The following MLYCD variants were observed in gnomAD, a reference collection of about 807,000 sequenced individuals.
MLYCD encodes the protein malonyl-CoA decarboxylase, also known as malonyl-CoA decarboxylase, mitochondrial.
In MLYCD, 27 loss-of-function variants were observed where a neutral mutation model predicts 35.8. The observed-to-expected ratio is 0.75, with a 90% CI of 0.56 to 1.04. The LOEUF (loss-of-function observed/expected upper bound fraction) is 1.04. Among genes scored for constraint, MLYCD ranks in the 50% least tolerant of loss-of-function variants. The probability of loss-of-function intolerance (pLI) is 0.00; values close to 1 mark genes in which losing one functional copy is unlikely to be tolerated. For synonymous variants in MLYCD, 403 were observed against 302.4 expected, an observed-to-expected ratio of 1.33 and a Z score of -3.45; for missense variants, 917 against 665.1, an observed-to-expected ratio of 1.38 and a Z score of -4.17.
In MLYCD at chr16:83,899,714, G is replaced by A. The variant is rs1001423848; in HGVS notation, c.528+42G>A. 1.4e-5 allele frequency: 20 copies of A among 1,481,170 alleles called. No homozygotes were observed. The African/African-American group carries it at 2.6e-4, about 19-fold the overall frequency. The allele number at this position is 1,481,170 out of a possible 1,614,324, so 91.8% of individuals were successfully genotyped here. On this transcript the variant is annotated intron_variant, in intron 1 of 4. Coordinates refer to ENST00000262430, the MANE Select transcript of MLYCD (RefSeq NM_012213.3). The stretch of plus-strand genomic sequence containing the variant: ...GATCCCCCGGCAGCGCGGACTGGCC[G>A]CCCTCCTCGAGTAGTCCTCACTTGC...
At position 83,916,129 on chromosome 16, in the gene MLYCD, A is replaced by T; in HGVS notation, c.*640A>T. On this transcript the variant is annotated 3_prime_UTR_variant, in exon 5 of 5. Transcript: ENST00000262430. ...ATAGGCTTTAAATGATCAGGGATTC[A>T]GGTTCATAATGAACTTCACAGTAAA... 1.0e-6 allele frequency: 1 copy of T among 993,178 alleles called. No homozygotes were observed. The highest frequency in any genetic ancestry group is 1.2e-6 in the Non-Finnish European group (1 of 833,396). The allele number at this position is 993,178 out of a possible 1,614,324, so 61.5% of individuals were successfully genotyped here.
At chr16:83,912,143 G>C in intron 3 of MLYCD, 75 bp from the exon 4 acceptor site, 1 of 1,598,154 alleles carries the variant, frequency 6.3e-7, no homozygotes, top group Non-Finnish European at 8.6e-7. Flanking sequence ...TTGTCTTCTC[G>C]TCCCAGCAAC....
rs1458634858 is a variant in MLYCD at position 83,916,563 on chromosome 16, C to T, written c.*1074C>T. ...CAGTGCACGTCTGTGTGCATGTGCC[C>T]GAGCGTCTCTGTGTGGATCAGTGCA... On this transcript the variant is annotated 3_prime_UTR_variant, in exon 5 of 5. Coordinates refer to ENST00000262430, the MANE Select transcript of MLYCD (RefSeq NM_012213.3). 4 of 125,686 alleles carry T rather than the reference C, an allele frequency of 3.2e-5. No homozygotes were observed. Among genetic ancestry groups the T allele is most frequent in the East Asian group, 2.4e-4 (1 of 4,224 alleles). The allele number at this position is 125,686 out of a possible 1,614,324, so 7.8% of individuals were successfully genotyped here.
At chr16:83,914,845 G>T in intron 4 of MLYCD, 111 bp from the exon 5 acceptor site, 1 of 1,455,004 alleles carries the variant, frequency 6.9e-7, no homozygotes, top group Non-Finnish European at 9.6e-7. Flanking sequence ...CACTCTGACC[G>T]CTACACAGCA....
chr16:83,899,181 C>G lies in MLYCD; in HGVS notation c.37C>G (p.Leu13Val). 1 of 1,170,562 alleles carries G rather than the reference C, an allele frequency of 8.5e-7. No individual in the cohort carries two copies. Among genetic ancestry groups the G allele is most frequent in the South Asian group, 3.4e-5 (1 of 29,408 alleles). 72.5% of individuals were successfully genotyped at this position (1,170,562 alleles called of 1,614,324 possible). The change falls in exon 1 of 5, where the codon CTC (leucine) becomes GTC (valine). Residue 13 changes from leucine to valine, a missense_variant. Physicochemically the swap from Leu to Val is conservative, Grantham distance 32 (BLOSUM62 1). Coordinates refer to ENST00000262430, the MANE Select transcript of MLYCD (RefSeq NM_012213.3). ...CGGGCCAGGCTTGACGGCCAGGCGTCTCCTCCCGCTGCGGTTGCCCCCGCG... is the reference window on the plus strand; with the variant it reads ...CGGGCCAGGCTTGACGGCCAGGCGTGTCCTCCCGCTGCGGTTGCCCCCGCG... Reference protein sequence around the residue: ...GFGPGLTARRLLPLRLPPRPP... With the variant: ...GFGPGLTARRVLPLRLPPRPP...
At position 83,917,030 on chromosome 16, in the gene MLYCD, G is replaced by A. The variant is rs1342768550; in HGVS notation, c.*1541G>A. On this transcript the variant is annotated 3_prime_UTR_variant, in exon 5 of 5. Transcript: ENST00000262430. ...TCTCTGTGTGTCAGTGCACGTCTGT[G>A]TGCGTGTGCACAAGCGTCTCTGTGT... 1 of 131,572 alleles carries A rather than the reference G, an allele frequency of 7.6e-6. No homozygotes were observed. The highest frequency in any genetic ancestry group is 1.6e-5 in the Non-Finnish European group (1 of 61,416). 8.2% of individuals were successfully genotyped at this position (131,572 alleles called of 1,614,324 possible). A position where few individuals can be genotyped will look rare whatever the true frequency, so the allele number is the denominator to read the frequency against.
At position 83,918,246 on chromosome 16, in the gene MLYCD, G is replaced by A. The variant is rs908243490; in HGVS notation, c.*2757G>A. The stretch of plus-strand genomic sequence containing the variant: ...TGAAATTCTGGTGAAAGCCAGGTAG[G>A]CCTCGCCGCAGGAGAACACATACAT... On this transcript the variant is annotated 3_prime_UTR_variant, in exon 5 of 5. Coordinates refer to ENST00000262430, the MANE Select transcript of MLYCD (RefSeq NM_012213.3). The A allele has an allele frequency of 2.6e-5, 4 of 152,260 alleles. No homozygotes were observed. Among genetic ancestry groups the A allele is most frequent in the African/African-American group, 9.6e-5 (4 of 41,460 alleles). 9.4% of individuals were successfully genotyped at this position (152,260 alleles called of 1,614,324 possible).
intron 2 of MLYCD, among the ~76,000 whole-genome samples, chr16:83,907,734 G>C (rs1425423256): frequency 2.0e-5 from 3 of 152,160 alleles, no homozygotes; most frequent in African/African-American, 7.2e-5. Context: ...GGTGGGGCGA[G>C]ATTGCTGGAA....
chr16:83,918,520 AGTGCACAGGAGAACACATG>A lies in MLYCD; in HGVS notation c.*3048_*3066del, dbSNP rs1194748903. 3 of 136,882 alleles carry A rather than the reference AGTGCACAGGAGAACACATG, an allele frequency of 2.2e-5. No homozygotes were observed. The highest frequency in any genetic ancestry group is 2.6e-4 in the South Asian group (1 of 3,812). The allele number at this position is 136,882 out of a possible 1,614,324, so 8.5% of individuals were successfully genotyped here. ...ACGCACAGTGCACAGGAGAACACAG[AGTGCACAGGAGAACACATG>A]GTGCACAGGAGAACACGCACACACG... On this transcript the variant is annotated 3_prime_UTR_variant, in exon 5 of 5. Transcript: ENST00000262430.
chr16:83,915,394 C>G lies in MLYCD; in HGVS notation c.1387C>G (p.Pro463Ala). ...CCGCTACTTCCTGGAGGAGACGGGC[C>G]CCAACAGCACCTCCTACCTCGGCTC... ...NYRYFLEETG[P>A]NSTSYLGSKI... Residue 463 changes from proline (P) to alanine (A), a missense_variant, in exon 5 of 5, where the codon CCC becomes GCC. By Grantham distance (27) the Pro-to-Ala change is conservative. Transcript: ENST00000262430. 1 of 1,613,900 alleles carries G rather than the reference C, an allele frequency of 6.2e-7. No homozygotes were observed. Among genetic ancestry groups the G allele is most frequent in the Non-Finnish European group, 8.5e-7 (1 of 1,180,040 alleles).
Position 83,926,074 on chromosome 16 carries a change from C to T in MLYCD, c.*10585C>T, listed in dbSNP as rs973837963. ...AGAGGGGACCCCTGGCCTGGGGCCA[C>T]GCTGGTTACTTGGGTACACTCCTTG... is the stretch of plus-strand genomic sequence containing the variant. On this transcript the variant is annotated 3_prime_UTR_variant, in exon 5 of 5. Coordinates refer to ENST00000262430, the MANE Select transcript of MLYCD (RefSeq NM_012213.3). The T allele has an allele frequency of 2.6e-5, 4 of 152,316 alleles. No individual in the cohort carries two copies. The highest frequency in any genetic ancestry group is 4.4e-5 in the Non-Finnish European group (3 of 68,110). 9.4% of individuals were successfully genotyped at this position (152,316 alleles called of 1,614,324 possible). A position where few individuals can be genotyped will look rare whatever the true frequency, so the allele number is the denominator to read the frequency against.
At position 83,923,974 on chromosome 16, in the gene MLYCD, GA is replaced by G. The variant is rs1907730414; in HGVS notation, c.*8486del. On this transcript the variant is annotated 3_prime_UTR_variant, in exon 5 of 5. Transcript: ENST00000262430. The stretch of plus-strand genomic sequence containing the variant: ...GGCAAGGGGGCGGGGGTCTGTGGAA[GA>G]CAACCCCAGGCTGGGGTGGCTTCTC... 6.6e-6 allele frequency: 1 copy of G among 152,306 alleles called. No individual in the cohort carries two copies. The highest frequency in any genetic ancestry group is 2.1e-4 in the South Asian group (1 of 4,826). The allele number at this position is 152,306 out of a possible 1,614,324, so 9.4% of individuals were successfully genotyped here. A position where few individuals can be genotyped will look rare whatever the true frequency, so the allele number is the denominator to read the frequency against.
chr16:83,902,996 C>A (rs1275206989), intron 1 of MLYCD, among the ~76,000 whole-genome samples: 1 of 151,986 alleles, frequency 6.6e-6, no homozygotes, highest in Non-Finnish European at 1.5e-5. Flanking sequence ...TTTTGTTTTT[C>A]TCCAGAGGCC....
Position 83,899,504 on chromosome 16 carries a change from G to C in MLYCD, c.360G>C (p.Ala120=), listed in dbSNP as rs2151053260. 6.4e-7 allele frequency: 1 copy of C among 1,573,002 alleles called. No homozygotes were observed. The highest frequency in any genetic ancestry group is 1.7e-5 in the Admixed American group (1 of 58,010). The part of the protein sequence containing the change: ...LHLRQQQREA[A]VLLQAEDRLR... ...TGCGCCAGCAGCAGCGGGAGGCGGCGGTGCTGCTGCAGGCCGAGGACCGGC... is the reference window on the plus strand; with the variant it reads ...TGCGCCAGCAGCAGCGGGAGGCGGCCGTGCTGCTGCAGGCCGAGGACCGGC... Residue 120 remains alanine, a synonymous_variant, in exon 1 of 5, where the codon GCG becomes GCC. Coordinates refer to ENST00000262430, the MANE Select transcript of MLYCD (RefSeq NM_012213.3).
At chr16:83,914,599 C>T (rs1907302646) in intron 4 of MLYCD, 1 of 361,142 alleles carries the variant, frequency 2.8e-6, no homozygotes, top group Non-Finnish European at 5.4e-6. Context: ...CCTCCAGGGT[C>T]TGGCACACAT....
intron 1 of MLYCD, among the ~76,000 whole-genome samples, chr16:83,901,205 C>G (rs1906773882): frequency 6.6e-6 from 1 of 152,202 alleles, no homozygotes; most frequent in African/African-American, 2.4e-5. Context: ...TGAATTCTTA[C>G]TGTGTTGAAT....
chr16:83,910,651 A>AC (rs1907141738), intron 3 of MLYCD, among the ~76,000 whole-genome samples: 1 of 150,818 alleles, frequency 6.6e-6, no homozygotes, highest in African/African-American at 2.4e-5. Flanking sequence ...AGGTCGTGCC[A>AC]CTGCACTCCA....
At chr16:83,900,045 C>T (rs761142155) in intron 1 of MLYCD, among the ~76,000 whole-genome samples, 145 of 152,214 alleles carry the variant, frequency 9.5e-4, no homozygotes, top group Non-Finnish European at 1.8e-3. Context: ...TGAACTAGAG[C>T]ATCAGGCAGC....
In MLYCD at chr16:83,910,855, C is replaced by T. The variant is rs145567189; in HGVS notation, c.799-1363C>T. ...GTCATGAGCTCTCCCCCTTTCCTCA[C>T]AGCAGCATTTCTTCACTTTGTTGGA... On this transcript the variant is annotated intron_variant, in intron 3 of 4. Transcript: ENST00000262430. Among the ~76,000 whole-genome samples the T allele has an allele frequency of 5.3e-4, 80 of 152,342 alleles. 1 individual carries two copies. In the Middle Eastern group the frequency reaches 0.01, roughly 19 times the overall value.
Sources: gnomAD v4.1 joint callset for allele counts (sites outside exome capture counted in the v4.1 genomes callset) on GRCh38, gnomAD v4.1.1 for gene constraint, MANE v1.5 for transcripts, NCBI Gene and HGNC (gene_info 2026-07-23, HGNC 2026-07-21) for gene names.